Variants in CFAP77 observed in about 807,000 individuals in gnomAD.
The protein encoded by CFAP77 is cilia and flagella associated protein 77.
In CFAP77, 25 loss-of-function variants were observed where a neutral mutation model predicts 31.1. The ratio of observed to expected loss-of-function variants is 0.80; its 90% CI spans 0.59 to 1.12. CFAP77 has a LOEUF of 1.12. Among genes scored for constraint, CFAP77 ranks in the 50% most tolerant of loss-of-function variants. The probability of loss-of-function intolerance (pLI) is 0.00; values close to 1 mark genes in which losing one functional copy is unlikely to be tolerated. For missense variants in CFAP77, 377 were observed against 397.3 expected, an observed-to-expected ratio of 0.95 and a Z score of 0.44; for synonymous variants, 151 against 159.9, an observed-to-expected ratio of 0.94 and a Z score of 0.42.
rs957906051 is a variant in CFAP77 at position 132,539,854 on chromosome 9, G to C, written c.630+2148G>C. 6.6e-6 allele frequency among the ~76,000 whole-genome samples: 1 copy of C among 152,202 alleles called. No individual in the cohort carries two copies. The highest frequency in any genetic ancestry group is 1.5e-5 in the Non-Finnish European group (1 of 68,040). ...GCTGTGGTGATGGCCGATTTCAGAG[G>C]GAGCATTACCAGCACAAACTGCTTT... On this transcript the variant is annotated intron_variant, in intron 4 of 5. Transcript: ENST00000393216. The surrounding 1 kb of genome is among the most constrained non-coding windows in gnomAD (Gnocchi z 4.3).
At chr9:132,415,076 A>G (rs1457797769) in intron 1 of CFAP77, among the ~76,000 whole-genome samples, 1 of 151,672 alleles carries the variant, frequency 6.6e-6, no homozygotes, top group Non-Finnish European at 1.5e-5. Context: ...TTATTGTTGA[A>G]GAGAATATAC....
intron 3 of CFAP77, chr9:132,513,420 T>C: frequency 6.8e-7 from 1 of 1,478,812 alleles, no homozygotes; most frequent in Non-Finnish European, 9.0e-7. Flanking sequence ...GAGGCCCCTG[T>C]GCACACCTTC....
At chr9:132,533,404 A>G (rs1852491610) in intron 3 of CFAP77, among the ~76,000 whole-genome samples, 2 of 152,082 alleles carry the variant, frequency 1.3e-5, no homozygotes, top group African/African-American at 4.8e-5. Flanking sequence ...ATTCTCTCAC[A>G]ATTCTGGAGG....
At chr9:132,547,925 T>C (rs920638096) in intron 5 of CFAP77, among the ~76,000 whole-genome samples, 1 of 151,970 alleles carries the variant, frequency 6.6e-6, no homozygotes, top group East Asian at 1.9e-4. Flanking sequence ...CTAACAGCGC[T>C]TCCTCCGGTT....
At chr9:132,513,248 G>T (rs1179604782) in intron 3 of CFAP77, 1 of 1,544,742 alleles carries the variant, frequency 6.5e-7, no homozygotes, top group East Asian at 2.4e-5. Flanking sequence ...CCTTTCTTTT[G>T]TGTTTATTAG....
intron 1 of CFAP77, among the ~76,000 whole-genome samples, chr9:132,438,425 C>A (rs577270209): frequency 4.5e-4 from 67 of 149,624 alleles, no homozygotes; most frequent in African/African-American, 1.5e-3. Flanking sequence ...GTCTCAAATG[C>A]ATGTATTTTA....
At chr9:132,429,537 CAAAAAAA>C (rs762588728) in intron 1 of CFAP77, among the ~76,000 whole-genome samples, 44 of 39,464 alleles carry the variant, frequency 1.1e-3, no homozygotes, top group African/African-American at 3.9e-3. Context: ...GACTTCAACT[CAAAAAAA>C]AAAAAAAAAA....
At chr9:132,464,816 G>A (rs188542091) in intron 1 of CFAP77, among the ~76,000 whole-genome samples, 1 of 152,260 alleles carries the variant, frequency 6.6e-6, no homozygotes, top group East Asian at 1.9e-4. Flanking sequence ...GCTGGGCCGG[G>A]CGCAGTGGCT....
At position 132,424,849 on chromosome 9, in the gene CFAP77, A is replaced by G. The variant is rs1018321672; in HGVS notation, c.195+14383A>G. On this transcript the variant is annotated intron_variant, in intron 1 of 5. Coordinates refer to ENST00000393216, the MANE Select transcript of CFAP77 (RefSeq NM_001282957.2). This position sits in a 1 kb window ranked among gnomAD's most constrained non-coding sequence, Gnocchi z 4.1. ...GAGCGGCCTCCCCCTTTTCAAAGGA[A>G]AGGCATCCCCTCCTCCTCTCCCAAA... 2.0e-5 allele frequency among the ~76,000 whole-genome samples: 3 copies of G among 152,170 alleles called. No individual in the cohort carries two copies. Among genetic ancestry groups the G allele is most frequent in the Non-Finnish European group, 4.4e-5 (3 of 68,024 alleles).
rs1435235087 is a variant in CFAP77 at position 132,490,399 on chromosome 9, C to T, written c.196-8296C>T. On this transcript the variant is annotated intron_variant, in intron 1 of 5. Coordinates refer to ENST00000393216, the MANE Select transcript of CFAP77 (RefSeq NM_001282957.2). The surrounding 1 kb of genome is among the most constrained non-coding windows in gnomAD (Gnocchi z 4.6). ...CAGATGTCTGTCACAACCTGCTTGC[C>T]TGTGTCTGAAAGTTCGGGGTCAGGA... Among the ~76,000 whole-genome samples the T allele has an allele frequency of 6.6e-6, 1 of 152,206 alleles. No individual in the cohort carries two copies. Among genetic ancestry groups the T allele is most frequent in the African/African-American group, 2.4e-5 (1 of 41,448 alleles).
intron 1 of CFAP77, among the ~76,000 whole-genome samples, chr9:132,459,607 A>ATGTG (rs372421842): frequency 5.4e-5 from 8 of 149,386 alleles, no homozygotes; most frequent in African/African-American, 2.0e-4. Flanking sequence ...ATGCCTGTAT[A>ATGTG]TGTGTGTGTA....
intron 1 of CFAP77, among the ~76,000 whole-genome samples, chr9:132,459,420 G>GGT (rs112825234): frequency 0.14 from 20,539 of 143,728 alleles, 1,520 homozygotes; most frequent in African/African-American, 0.23. Flanking sequence ...GGATGAATAG[G>GGT]GTGTGTGTGT....
In CFAP77 at chr9:132,490,175, A is replaced by C. The variant is rs1851629792; in HGVS notation, c.196-8520A>C. 6.6e-6 allele frequency among the ~76,000 whole-genome samples: 1 copy of C among 152,158 alleles called. No individual in the cohort carries two copies. The highest frequency in any genetic ancestry group is 6.5e-5 in the Admixed American group (1 of 15,278). On this transcript the variant is annotated intron_variant, in intron 1 of 5. Transcript: ENST00000393216. This position sits in a 1 kb window ranked among gnomAD's most constrained non-coding sequence, Gnocchi z 4.6. Reference sequence around the variant, plus strand: ...ACTCCCTCCATCAAGGCCTTTTATAAGGGCACCTATTCCCCCATGAGTGCA... The same window carrying C: ...ACTCCCTCCATCAAGGCCTTTTATACGGGCACCTATTCCCCCATGAGTGCA...
intron 3 of CFAP77, among the ~76,000 whole-genome samples, chr9:132,516,392 T>G (rs1852146894): frequency 6.6e-6 from 1 of 152,158 alleles, no homozygotes; most frequent in Non-Finnish European, 1.5e-5. Flanking sequence ...AAAGTGGGGC[T>G]GACATAATAG....
At chr9:132,560,355 G>A (rs11243826) in intron 5 of CFAP77, among the ~76,000 whole-genome samples, 34,036 of 152,024 alleles carry the variant, frequency 0.22, 6,251 homozygotes, top group African/African-American at 0.51. Flanking sequence ...AGCCTATTGA[G>A]CTTACAAGCT....
chr9:132,559,085 G>A (rs554589446), intron 5 of CFAP77, among the ~76,000 whole-genome samples: 7 of 151,866 alleles, frequency 4.6e-5, no homozygotes, highest in South Asian at 4.2e-4. Flanking sequence ...AGTGGCTCAC[G>A]CCTGTAATCA....
chr9:132,474,108 A>G lies in CFAP77; in HGVS notation c.196-24587A>G, dbSNP rs1851307744. 2.0e-5 allele frequency among the ~76,000 whole-genome samples: 3 copies of G among 152,214 alleles called. No individual in the cohort carries two copies. The South Asian group carries it at 6.2e-4, about 32-fold the overall frequency. On this transcript the variant is annotated intron_variant, in intron 1 of 5. Transcript: ENST00000393216. ...CCCTGCATGTGTCAAAAACTGTTTT[A>G]TAGATTTTGGGTTGTCTCTTGTAAG...
chr9:132,503,244 C>T (rs1466901076), intron 3 of CFAP77, among the ~76,000 whole-genome samples: 2 of 152,232 alleles, frequency 1.3e-5, no homozygotes, highest in Non-Finnish European at 2.9e-5. Context: ...GCTGATCCAG[C>T]TCCTCTTCTC....
chr9:132,439,722 G>C lies in CFAP77; in HGVS notation c.195+29256G>C, dbSNP rs755686487. The stretch of plus-strand genomic sequence containing the variant: ...AAATTAGCCGGGCGTGGTGGCGGGC[G>C]CCTGTAGTCCCAGCTACTGGGAAGG... On this transcript the variant is annotated intron_variant, in intron 1 of 5. Coordinates refer to ENST00000393216, the MANE Select transcript of CFAP77 (RefSeq NM_001282957.2). Among the ~76,000 whole-genome samples, 6 of 152,028 alleles carry C rather than the reference G, an allele frequency of 3.9e-5. No homozygotes were observed. The Middle Eastern group carries it at 0.01, about 260-fold the overall frequency.
Sources: gnomAD v4.1 joint callset for allele counts (sites outside exome capture counted in the v4.1 genomes callset) on GRCh38, gnomAD v4.1.1 for gene constraint, Gnocchi (gnomAD v3.1) non-coding constraint, MANE v1.5 for transcripts, NCBI Gene and HGNC (gene_info 2026-07-23, HGNC 2026-07-21) for gene names.